The following RERE variants were observed in gnomAD, a reference collection of about 807,000 sequenced individuals.
RERE encodes the protein arginine-glutamic acid dipeptide repeats.
A neutral mutation model predicts 146.1 loss-of-function variants in RERE; 40 were observed. The ratio of observed to expected loss-of-function variants is 0.27; its 90% CI spans 0.21 to 0.36. The LOEUF is 0.36. Ranked by LOEUF, RERE falls within the 10% of genes least tolerant of loss-of-function variation. The pLI is 1.00. For synonymous variants in RERE, 1,003 were observed against 866.0 expected (o/e 1.16, Z -2.78); for missense variants, 1,933 against 2,138.7 (o/e 0.90, Z 1.90).
intron 4 of RERE, among the ~76,000 whole-genome samples, chr1:8,558,436 G>A (rs1038038014): frequency 2.3e-4 from 35 of 152,110 alleles, no homozygotes; most frequent in African/African-American, 7.0e-4. Flanking sequence ...ACCCATGTGC[G>A]GCCTTAACAG....
intron 1 of RERE, among the ~76,000 whole-genome samples, chr1:8,763,842 G>A (rs1326561663): frequency 1.3e-5 from 2 of 151,200 alleles, no homozygotes; most frequent in African/African-American, 2.4e-5. Context: ...TCGGGAGGCC[G>A]AGGCAGGAGA....
At chr1:8,714,325 C>G (rs1434622547) in intron 1 of RERE, among the ~76,000 whole-genome samples, 2 of 152,138 alleles carry the variant, frequency 1.3e-5, no homozygotes, top group African/African-American at 2.4e-5. Flanking sequence ...ACAACTCATC[C>G]TAAAAGGCCC....
At chr1:8,721,451 G>A (rs1047997179) in intron 1 of RERE, among the ~76,000 whole-genome samples, 1 of 151,966 alleles carries the variant, frequency 6.6e-6, no homozygotes, top group African/African-American at 2.4e-5. Context: ...AGCTGAGACT[G>A]AAGGTGCCCA....
At chr1:8,442,081 G>A (rs1195153830) in intron 11 of RERE, among the ~76,000 whole-genome samples, 5 of 152,014 alleles carry the variant, frequency 3.3e-5, no homozygotes, top group South Asian at 4.2e-4. Flanking sequence ...TGCAACATTG[G>A]ACTGCTTTTA....
At chr1:8,777,830 C>T (rs981651810) in intron 1 of RERE, among the ~76,000 whole-genome samples, 5 of 150,570 alleles carry the variant, frequency 3.3e-5, no homozygotes, top group Non-Finnish European at 5.9e-5. Flanking sequence ...CCACCGTGCC[C>T]GGCCCCAAAG....
rs115618480 is a variant in RERE at position 8,796,354 on chromosome 1, G to A, written c.-145+20806C>T. On this transcript the variant is annotated intron_variant, in intron 1 of 22. Transcript: ENST00000400908. ...TCTTATTCTAAGTAATCAGGCCACTGACCCAAGTGTCAGTCAGCATCATCT... is the reference window on the plus strand; with the variant it reads ...TCTTATTCTAAGTAATCAGGCCACTAACCCAAGTGTCAGTCAGCATCATCT... Among the ~76,000 whole-genome samples, 297 of 152,250 alleles carry A rather than the reference G, an allele frequency of 2.0e-3. 1 individual carries two copies. Among genetic ancestry groups the A allele is most frequent in the Admixed American group, 3.7e-3 (57 of 15,276 alleles).
At chr1:8,436,395 C>T (rs1232687122) in intron 11 of RERE, among the ~76,000 whole-genome samples, 1 of 152,188 alleles carries the variant, frequency 6.6e-6, no homozygotes, top group African/African-American at 2.4e-5. Context: ...GGCTCCTTCT[C>T]TCCCTACAAT....
rs1167066671 is a variant in RERE at position 8,601,440 on chromosome 1, C to T, written c.522+13121G>A. The stretch of plus-strand genomic sequence containing the variant: ...TGCTGTGAATAATTAGTACCCCCTT[C>T]CAGGGAGTGGGGGGTACAGACCACG... On this transcript the variant is annotated intron_variant, in intron 4 of 22. Coordinates refer to ENST00000400908, the MANE Select transcript of RERE (RefSeq NM_001042681.2). Among the ~76,000 whole-genome samples the T allele has an allele frequency of 4.6e-5, 7 of 152,232 alleles. 1 individual carries two copies. In the South Asian group the frequency reaches 1.5e-3, roughly 32 times the overall value.
intron 11 of RERE, among the ~76,000 whole-genome samples, chr1:8,442,187 C>A (rs774619937): frequency 6.6e-6 from 1 of 152,114 alleles, no homozygotes; most frequent in Non-Finnish European, 1.5e-5. Context: ...GAGTTCAAGA[C>A]CAGCCTGGCC....
At chr1:8,546,312 A>AG (rs1192995084) in intron 6 of RERE, among the ~76,000 whole-genome samples, 1 of 149,922 alleles carries the variant, frequency 6.7e-6, no homozygotes, top group Non-Finnish European at 1.5e-5. Flanking sequence ...AAAATAAATA[A>AG]AAATATATAT....
chr1:8,530,367 C>T (rs1645627913), intron 7 of RERE, among the ~76,000 whole-genome samples: 1 of 152,120 alleles, frequency 6.6e-6, no homozygotes, highest in African/African-American at 2.4e-5. Context: ...AGATTATGTA[C>T]CTCTATCAAA....
At chr1:8,497,680 A>C in intron 8 of RERE, 151 bp from the exon 9 acceptor site, 3 of 761,002 alleles carry the variant, frequency 3.9e-6, no homozygotes, top group Non-Finnish European at 6.4e-6. Context: ...TGAGTCATTT[A>C]AACTGACCTA....
intron 6 of RERE, among the ~76,000 whole-genome samples, chr1:8,553,414 A>G (rs1557683989): frequency 6.6e-6 from 1 of 151,960 alleles, no homozygotes; most frequent in East Asian, 1.9e-4. Flanking sequence ...GAGACACTGC[A>G]CCACAAAGCC....
At chr1:8,593,180 A>G (rs191915678) in intron 4 of RERE, among the ~76,000 whole-genome samples, 2 of 152,230 alleles carry the variant, frequency 1.3e-5, no homozygotes. Context: ...ACGTTACTGG[A>G]GCACAGTAAA....
At chr1:8,395,332 G>A (rs978382294) in intron 12 of RERE, among the ~76,000 whole-genome samples, 4 of 151,908 alleles carry the variant, frequency 2.6e-5, no homozygotes, top group South Asian at 2.1e-4. Context: ...AAAATTAGCC[G>A]GGCGTGGTGG....
intron 1 of RERE, among the ~76,000 whole-genome samples, chr1:8,767,475 C>T (rs1234262627): frequency 1.3e-5 from 2 of 151,600 alleles, no homozygotes; most frequent in Non-Finnish European, 2.9e-5. Context: ...ATGTGGTGCA[C>T]ATCTGTATTA....
intron 1 of RERE, among the ~76,000 whole-genome samples, chr1:8,815,852 TG>T (rs2124613021): frequency 6.6e-6 from 1 of 152,156 alleles, no homozygotes; most frequent in East Asian, 1.9e-4. Flanking sequence ...TATGTGTGTG[TG>T]TGTGTGTGTA....
chr1:8,610,305 T>C (rs1646776862), intron 4 of RERE, among the ~76,000 whole-genome samples: 1 of 151,998 alleles, frequency 6.6e-6, no homozygotes, highest in African/African-American at 2.4e-5. Flanking sequence ...ATGACGAGAA[T>C]TTGGGCCGGG....
At chr1:8,592,253 C>G (rs1300650700) in intron 4 of RERE, among the ~76,000 whole-genome samples, 4 of 152,124 alleles carry the variant, frequency 2.6e-5, no homozygotes, top group Non-Finnish European at 5.9e-5. Context: ...CCCTTCCAAA[C>G]CAGCAAAAGG....
Sources: allele counts gnomAD v4.1 joint callset (sites outside exome capture counted in the v4.1 genomes callset), GRCh38; gene constraint gnomAD v4.1.1; transcripts MANE v1.5; gene names NCBI Gene and HGNC (gene_info 2026-07-23, HGNC 2026-07-21).